Variants in SEMA3C observed in about 807,000 individuals in gnomAD.
The protein encoded by SEMA3C is semaphorin-3C.
SEMA3C carries 47 observed loss-of-function variants against 89.4 expected under a neutral mutation model. The observed-to-expected ratio is 0.53, with a 90% confidence interval of 0.42 to 0.67. The LOEUF (loss-of-function observed/expected upper bound fraction) is 0.67. Ranked by LOEUF, SEMA3C falls within the 30% of genes least tolerant of loss-of-function variation. The pLI is 0.00. For missense variants in SEMA3C, 839 were observed against 929.1 expected (o/e 0.90, Z 1.26); for synonymous variants, 310 against 320.2 (o/e 0.97, Z 0.34).
At chr7:80,780,728 A>G (rs907642347) in intron 12 of SEMA3C, among the ~76,000 whole-genome samples, 1 of 152,076 alleles carries the variant, frequency 6.6e-6, no homozygotes, top group Non-Finnish European at 1.5e-5. Flanking sequence ...TACTAAAAAT[A>G]GAAAAATTAG....
At chr7:80,770,028 C>A (rs543719032) in intron 12 of SEMA3C, among the ~76,000 whole-genome samples, 1 of 152,008 alleles carries the variant, frequency 6.6e-6, no homozygotes, top group Non-Finnish European at 1.5e-5. Flanking sequence ...GGTATCCTTG[C>A]GCTGTATCAT....
intron 2 of SEMA3C, among the ~76,000 whole-genome samples, chr7:80,873,692 T>G (rs961557509): frequency 2.0e-5 from 3 of 152,212 alleles, no homozygotes; most frequent in Non-Finnish European, 4.4e-5. Context: ...GTCGTATGCA[T>G]CAGACCTCTA....
intron 11 of SEMA3C, among the ~76,000 whole-genome samples, chr7:80,789,838 C>CA (rs1423739037): frequency 1.3e-5 from 2 of 152,148 alleles, no homozygotes; most frequent in African/African-American, 4.8e-5. Flanking sequence ...TATTTTGTCC[C>CA]AGACACCATT....
At chr7:80,859,418 T>C (rs1054651467) in intron 2 of SEMA3C, among the ~76,000 whole-genome samples, 3 of 152,174 alleles carry the variant, frequency 2.0e-5, no homozygotes, top group African/African-American at 7.2e-5. Context: ...AGAGGATACC[T>C]GTTCTGCTCT....
intron 12 of SEMA3C, among the ~76,000 whole-genome samples, chr7:80,788,072 AT>A (rs1429216480): frequency 1.3e-5 from 2 of 152,232 alleles, no homozygotes; most frequent in African/African-American, 4.8e-5. Flanking sequence ...TAAAAACCTT[AT>A]CTTAGCACAC....
chr7:80,815,189 A>G lies in SEMA3C; in HGVS notation c.447+3110T>C, dbSNP rs905314346. 2.0e-5 allele frequency among the ~76,000 whole-genome samples: 3 copies of G among 152,184 alleles called. No individual in the cohort carries two copies. In the South Asian group the frequency reaches 6.2e-4, roughly 32 times the overall value. Reference sequence around the variant, plus strand: ...GAGAGTAGGTGGTGAAAAATTAAAAAGTAGGCATAGCAAAGTGTCCTATGG... The same window carrying G: ...GAGAGTAGGTGGTGAAAAATTAAAAGGTAGGCATAGCAAAGTGTCCTATGG... On this transcript the variant is annotated intron_variant, in intron 5 of 17. Coordinates refer to ENST00000265361, the MANE Select transcript of SEMA3C (RefSeq NM_006379.5).
At chr7:80,863,678 C>CAT (rs1218848484) in intron 2 of SEMA3C, among the ~76,000 whole-genome samples, 1 of 138,916 alleles carries the variant, frequency 7.2e-6, no homozygotes, top group Admixed American at 7.1e-5. Flanking sequence ...TATATACACA[C>CAT]ATATATATAC....
chr7:80,790,064 G>A (rs1788900232), intron 11 of SEMA3C, among the ~76,000 whole-genome samples: 1 of 152,062 alleles, frequency 6.6e-6, no homozygotes, highest in South Asian at 2.1e-4. Flanking sequence ...ATGAGAGGAT[G>A]TTGAAGCCAG....
At chr7:80,773,077 A>G (rs1321976109) in intron 12 of SEMA3C, among the ~76,000 whole-genome samples, 1 of 152,184 alleles carries the variant, frequency 6.6e-6, no homozygotes, top group African/African-American at 2.4e-5. Context: ...AACCTATTTC[A>G]TTTCTTGGTA....
intron 2 of SEMA3C, among the ~76,000 whole-genome samples, chr7:80,846,089 T>C (rs1790382445): frequency 6.6e-6 from 1 of 152,178 alleles, no homozygotes; most frequent in East Asian, 1.9e-4. Flanking sequence ...TTCATTCAAG[T>C]ATCCCATAAG....
Position 80,742,624 on chromosome 7 carries a change from G to A in SEMA3C, c.*2270C>T, listed in dbSNP as rs1787708457. ...TTAGTGTGACAACTACATTTAGTTT[G>A]TTTTCTTACACAGATTGAACATTCA... On this transcript the variant is annotated 3_prime_UTR_variant, in exon 18 of 18. Coordinates refer to ENST00000265361, the MANE Select transcript of SEMA3C (RefSeq NM_006379.5). The A allele has an allele frequency of 1.3e-5, 2 of 151,858 alleles. No individual in the cohort carries two copies. Among genetic ancestry groups the A allele is most frequent in the Non-Finnish European group, 2.9e-5 (2 of 67,854 alleles). The allele number at this position is 151,858 out of a possible 1,614,324, so 9.4% of individuals were successfully genotyped here. A position where few individuals can be genotyped will look rare whatever the true frequency, so the allele number is the denominator to read the frequency against.
chr7:80,868,418 C>G (rs1360736009), intron 2 of SEMA3C, among the ~76,000 whole-genome samples: 2 of 151,976 alleles, frequency 1.3e-5, no homozygotes, highest in South Asian at 2.1e-4. Context: ...TAGACATGAG[C>G]CACCACACCT....
chr7:80,886,203 CT>C (rs569353784), intron 2 of SEMA3C, among the ~76,000 whole-genome samples: 109 of 144,192 alleles, frequency 7.6e-4, no homozygotes, highest in African/African-American at 2.2e-3. Context: ...TCAAGTCTAC[CT>C]TTTTTTTTTA....
chr7:80,892,703 G>A (rs1410527974), intron 2 of SEMA3C, among the ~76,000 whole-genome samples: 1 of 152,022 alleles, frequency 6.6e-6, no homozygotes, highest in Admixed American at 6.6e-5. Flanking sequence ...GTATTTACAA[G>A]GCATTTCTAG....
intron 2 of SEMA3C, among the ~76,000 whole-genome samples, chr7:80,889,781 A>G (rs1215374967): frequency 1.3e-5 from 2 of 152,184 alleles, no homozygotes; most frequent in African/African-American, 4.8e-5. Context: ...CCTCCCAAAT[A>G]ATGCCTAATG....
At chr7:80,798,678 TGA>T (rs1374300613) in intron 10 of SEMA3C, among the ~76,000 whole-genome samples, 2 of 152,224 alleles carry the variant, frequency 1.3e-5, no homozygotes, top group African/African-American at 4.8e-5. Context: ...TATTTTAATA[TGA>T]GAGTGTTCTC....
intron 2 of SEMA3C, among the ~76,000 whole-genome samples, chr7:80,901,180 C>T (rs1423750032): frequency 6.6e-6 from 1 of 152,020 alleles, no homozygotes; most frequent in East Asian, 1.9e-4. Flanking sequence ...TTCCAGTTGT[C>T]AAGTTAGTTA....
chr7:80,760,318 G>T (rs73370861), intron 14 of SEMA3C, among the ~76,000 whole-genome samples: 5 of 152,070 alleles, frequency 3.3e-5, no homozygotes, highest in African/African-American at 1.2e-4. Context: ...CACACAAATG[G>T]CTTTGTGTCC....
chr7:80,903,976 T>C (rs1791947029), intron 2 of SEMA3C, among the ~76,000 whole-genome samples: 1 of 152,194 alleles, frequency 6.6e-6, no homozygotes, highest in South Asian at 2.1e-4. Flanking sequence ...ACAGAGGGCA[T>C]CTATTGCACA....
Sources: gnomAD v4.1 joint callset for allele counts (sites outside exome capture counted in the v4.1 genomes callset) on GRCh38, gnomAD v4.1.1 for gene constraint, MANE v1.5 for transcripts, NCBI Gene and HGNC (gene_info 2026-07-23, HGNC 2026-07-21) for gene names.